LDAH: variants seen among roughly 807,000 people sequenced by gnomAD.
The protein encoded by LDAH is lipid droplet associated hydrolase.
A neutral mutation model predicts 29.6 loss-of-function variants in LDAH; 26 were observed. The ratio of observed to expected loss-of-function variants is 0.88; its 90% CI spans 0.64 to 1.22. LDAH has a LOEUF of 1.22. Ranked by LOEUF, LDAH falls within the 50% of genes most tolerant of loss-of-function variation. The pLI, the probability that LDAH is intolerant of heterozygous loss-of-function variation, is 0.00. For missense variants in LDAH, 344 were observed against 387.3 expected, an observed-to-expected ratio of 0.89 and a Z score of 0.94; for synonymous variants, 117 against 133.0, an observed-to-expected ratio of 0.88 and a Z score of 0.83.
chr2:20,753,676 C>T (rs930581089), intron 4 of LDAH, among the ~76,000 whole-genome samples: 6 of 152,206 alleles, frequency 3.9e-5, no homozygotes, highest in Admixed American at 3.3e-4. Flanking sequence ...ACTGGCCTTG[C>T]TGTTTCTCAA....
At chr2:20,693,937 G>A (rs918568550) in intron 6 of LDAH, among the ~76,000 whole-genome samples, 1 of 152,240 alleles carries the variant, frequency 6.6e-6, no homozygotes, top group African/African-American at 2.4e-5. Context: ...TTCTGAGAGA[G>A]ATCTATCTTC....
At chr2:20,765,091 G>T (rs966119816) in intron 4 of LDAH, among the ~76,000 whole-genome samples, 3 of 152,128 alleles carry the variant, frequency 2.0e-5, no homozygotes, top group Admixed American at 6.5e-5. Flanking sequence ...AACCACTTTT[G>T]CAAAGACATA....
chr2:20,688,494 T>C lies in LDAH; in HGVS notation c.787-1400A>G, dbSNP rs550379175. On this transcript the variant is annotated intron_variant, in intron 6 of 6. Coordinates refer to ENST00000237822, the MANE Select transcript of LDAH (RefSeq NM_021925.4). ...CAGTGAAGTGACATGCTGAGGTCCC[T>C]ATGTCAGGAAAACCACTCTGGCCAC... Among the ~76,000 whole-genome samples, 3 of 152,262 alleles carry C rather than the reference T, an allele frequency of 2.0e-5. No individual in the cohort carries two copies. The East Asian group carries it at 5.8e-4, about 29-fold the overall frequency.
chr2:20,789,099 G>T, intron 3 of LDAH: 1 of 1,546,358 alleles, frequency 6.5e-7, no homozygotes. Context: ...TTGTACCTCT[G>T]CACCCACCTC....
chr2:20,722,705 A>G (rs1665744890), intron 5 of LDAH, among the ~76,000 whole-genome samples: 1 of 152,226 alleles, frequency 6.6e-6, no homozygotes. Flanking sequence ...TGTACCCTAA[A>G]ATATGTACAA....
intron 3 of LDAH, among the ~76,000 whole-genome samples, chr2:20,780,514 T>C (rs866170052): frequency 1.3e-5 from 2 of 152,224 alleles, no homozygotes; most frequent in Middle Eastern, 3.4e-3. Flanking sequence ...ATGAGTTCTG[T>C]GGCTATGTGT....
chr2:20,761,384 CTA>C (rs1420089456), intron 4 of LDAH, among the ~76,000 whole-genome samples: 1 of 86,902 alleles, frequency 1.2e-5, no homozygotes, highest in East Asian at 2.6e-4. Flanking sequence ...GTTCTTGTGG[CTA>C]TAAAAAAAAA....
chr2:20,779,754 T>C (rs554786872), intron 3 of LDAH, among the ~76,000 whole-genome samples: 105 of 152,292 alleles, frequency 6.9e-4, no homozygotes, highest in African/African-American at 2.3e-3. Context: ...TTGATTGTTA[T>C]ATAACTCTAT....
intron 5 of LDAH, among the ~76,000 whole-genome samples, chr2:20,737,082 G>C (rs990642277): frequency 6.6e-6 from 1 of 152,078 alleles, no homozygotes; most frequent in African/African-American, 2.4e-5. Context: ...GTAGGCTTTT[G>C]TTAGGACCTT....
intron 1 of LDAH, among the ~76,000 whole-genome samples, chr2:20,819,221 T>C (rs759393191): frequency 6.6e-6 from 1 of 152,202 alleles, no homozygotes; most frequent in African/African-American, 2.4e-5. Flanking sequence ...ACACAATTTT[T>C]TTTTAATGTA....
At chr2:20,801,152 CA>C in intron 2 of LDAH, 157 bp downstream of exon 2, 1 of 678,432 alleles carries the variant, frequency 1.5e-6, no homozygotes, top group Non-Finnish European at 2.4e-6. Context: ...ACACAAAATC[CA>C]GACGTCAAAA....
chr2:20,790,478 T>C (rs1572638122), intron 2 of LDAH, 80 bp from the exon 3 acceptor site: 1 of 1,208,616 alleles, frequency 8.3e-7, no homozygotes, highest in Non-Finnish European at 1.2e-6. Flanking sequence ...AAAAGATGGG[T>C]CTGTTTCTTT....
intron 4 of LDAH, among the ~76,000 whole-genome samples, chr2:20,770,886 C>A (rs1470410491): frequency 2.0e-5 from 3 of 152,196 alleles, no homozygotes; most frequent in Non-Finnish European, 4.4e-5. Flanking sequence ...TCTCTCACTT[C>A]CCACTGATAA....
At chr2:20,813,454 T>G (rs767345995) in intron 1 of LDAH, among the ~76,000 whole-genome samples, 3 of 152,226 alleles carry the variant, frequency 2.0e-5, no homozygotes, top group Non-Finnish European at 2.9e-5. Flanking sequence ...GGTTCCATAA[T>G]GTGGATATAC....
intron 5 of LDAH, among the ~76,000 whole-genome samples, chr2:20,703,284 C>T (rs959270522): frequency 3.3e-5 from 5 of 152,206 alleles, no homozygotes; most frequent in Admixed American, 2.6e-4. Flanking sequence ...TTTCTAGACC[C>T]GTTTCCTAGA....
chr2:20,737,196 G>A (rs1321309141), intron 5 of LDAH, among the ~76,000 whole-genome samples: 1 of 152,030 alleles, frequency 6.6e-6, no homozygotes, highest in African/African-American at 2.4e-5. Flanking sequence ...TTGTTCCTTG[G>A]GTCCCAAAGT....
At chr2:20,798,092 G>A (rs913819244) in intron 2 of LDAH, among the ~76,000 whole-genome samples, 11 of 152,136 alleles carry the variant, frequency 7.2e-5, no homozygotes, top group African/African-American at 2.7e-4. Context: ...CTCCATTAAC[G>A]CCCTCCATTT....
intron 4 of LDAH, among the ~76,000 whole-genome samples, chr2:20,758,780 C>A (rs1668488521): frequency 6.6e-6 from 1 of 152,026 alleles, no homozygotes; most frequent in South Asian, 2.1e-4. Flanking sequence ...AGTAGCTCAA[C>A]AAAGGCACAT....
At chr2:20,791,999 A>T (rs1033156823) in intron 2 of LDAH, among the ~76,000 whole-genome samples, 4 of 151,786 alleles carry the variant, frequency 2.6e-5, no homozygotes, top group Non-Finnish European at 2.9e-5. Context: ...TTTTTTTTTA[A>T]GTGTTAACAG....
Sources: allele counts gnomAD v4.1 joint callset (sites outside exome capture counted in the v4.1 genomes callset), GRCh38; gene constraint gnomAD v4.1.1; transcripts MANE v1.5; gene names NCBI Gene and HGNC (gene_info 2026-07-23, HGNC 2026-07-21).